Variants in DPY19L1 observed in about 807,000 individuals in gnomAD.
DPY19L1 encodes the protein protein C-mannosyl-transferase DPY19L1.
Under a neutral mutation model 96.9 loss-of-function variants are expected in DPY19L1, and 35 were observed. That is an observed-to-expected ratio of 0.36 (90% confidence interval 0.28 to 0.48). The LOEUF is 0.48. DPY19L1 is among the 20% of genes least tolerant of loss of function. DPY19L1 has a pLI of 0.99. For synonymous variants in DPY19L1, 205 were observed against 252.6 expected, an observed-to-expected ratio of 0.81 and a Z score of 1.79; for missense variants, 521 against 777.9, an observed-to-expected ratio of 0.67 and a Z score of 3.93.
chr7:35,029,158 AT>A (rs775596533), intron 1 of DPY19L1, among the ~76,000 whole-genome samples: 3 of 152,222 alleles, frequency 2.0e-5, no homozygotes, highest in Non-Finnish European at 4.4e-5. Flanking sequence ...CTCAGCCTCC[AT>A]TCGAAATGGA....
chr7:35,005,844 T>C (rs1412216550), intron 6 of DPY19L1, among the ~76,000 whole-genome samples: 3 of 150,756 alleles, frequency 2.0e-5, no homozygotes, highest in African/African-American at 7.3e-5. Flanking sequence ...AATTTTGTCA[T>C]GTGAGAGAGA....
At chr7:35,016,038 T>G (rs1785839717) in intron 3 of DPY19L1, among the ~76,000 whole-genome samples, 1 of 151,830 alleles carries the variant, frequency 6.6e-6, no homozygotes, top group African/African-American at 2.4e-5. Flanking sequence ...TTTAAAAAAT[T>G]AATATAAATT....
At chr7:35,006,288 C>T (rs1280694053) in intron 6 of DPY19L1, among the ~76,000 whole-genome samples, 3 of 152,140 alleles carry the variant, frequency 2.0e-5, no homozygotes, top group African/African-American at 4.8e-5. Context: ...CTAGCTAACC[C>T]CGAACTCCAA....
intron 8 of DPY19L1, among the ~76,000 whole-genome samples, 161 bp downstream of exon 8, chr7:34,973,353 T>TA (rs1784766377): frequency 6.6e-6 from 1 of 152,196 alleles, no homozygotes; most frequent in Admixed American, 6.5e-5. Flanking sequence ...ATAGAAGAAA[T>TA]GTTTTTGATA....
chr7:35,028,387 T>C (rs1304203980), intron 1 of DPY19L1, among the ~76,000 whole-genome samples: 1 of 152,236 alleles, frequency 6.6e-6, no homozygotes, highest in Non-Finnish European at 1.5e-5. Context: ...CAAAGCGGAA[T>C]ATAATTAGGC....
chr7:34,989,717 A>G (rs1785126608), intron 7 of DPY19L1, among the ~76,000 whole-genome samples, 167 bp downstream of exon 7: 1 of 152,196 alleles, frequency 6.6e-6, no homozygotes, highest in African/African-American at 2.4e-5. Context: ...CTTATATCAC[A>G]TAAGAAGTAC....
intron 10 of DPY19L1, among the ~76,000 whole-genome samples, chr7:34,959,165 A>G (rs1176556236): frequency 6.6e-6 from 1 of 152,260 alleles, no homozygotes; most frequent in Admixed American, 6.5e-5. Context: ...CCACAATGAG[A>G]TAACATCTCA....
chr7:34,974,436 G>A (rs1443651348), intron 7 of DPY19L1, among the ~76,000 whole-genome samples: 16 of 152,114 alleles, frequency 1.1e-4, no homozygotes, highest in South Asian at 2.1e-4. Flanking sequence ...CTATATTTTC[G>A]CTGTACCTCA....
In DPY19L1 at chr7:35,011,401, A is replaced by G; in HGVS notation, c.599T>C (p.Ile200Thr). 1 of 1,613,420 alleles carries G rather than the reference A, an allele frequency of 6.2e-7. No individual in the cohort carries two copies. ...CCAACATATCTTGGTTTGAATACCA[A>G]TCAAGTCCATTATTTTGGTATAAAT... ...YRIYTKIMDL[I>T]GIQTKICWTV... Residue 200 changes from isoleucine (I) to threonine (T), a missense_variant, in exon 5 of 22, where the codon ATT (isoleucine) becomes ACT (threonine). Ile to Thr is a moderately conservative substitution (Grantham distance 89). Coordinates refer to ENST00000638088, the MANE Select transcript of DPY19L1 (RefSeq NM_001366673.1).
At chr7:35,017,732 A>G (rs1584258403) in intron 3 of DPY19L1, 150 bp downstream of exon 3, 3 of 461,726 alleles carry the variant, frequency 6.5e-6, no homozygotes. Context: ...GGGGGTGTAG[A>G]TGAAGGAAAA....
intron 1 of DPY19L1, among the ~76,000 whole-genome samples, chr7:35,033,874 T>G (rs1300194543): frequency 6.6e-6 from 1 of 151,680 alleles, no homozygotes; most frequent in Non-Finnish European, 1.5e-5. Context: ...CTGGAGACAT[T>G]TTCGTTGTCA....
chr7:34,974,435 C>T (rs543189503), intron 7 of DPY19L1, among the ~76,000 whole-genome samples: 3 of 152,256 alleles, frequency 2.0e-5, no homozygotes, highest in South Asian at 2.1e-4. Context: ...CCTATATTTT[C>T]GCTGTACCTC....
intron 6 of DPY19L1, among the ~76,000 whole-genome samples, chr7:35,005,981 T>TA (rs1034580771): frequency 2.6e-5 from 4 of 152,116 alleles, no homozygotes; most frequent in Non-Finnish European, 4.4e-5. Flanking sequence ...GAATGAGCCT[T>TA]AAACAAAGGC....
rs563771995 is a variant in DPY19L1, at chr7:34,960,022, T to A, written c.1093-1952A>T. Among the ~76,000 whole-genome samples the A allele has an allele frequency of 2.0e-5, 3 of 149,598 alleles. No individual in the cohort carries two copies. In the South Asian group the frequency reaches 6.3e-4, roughly 31 times the overall value. On this transcript the variant is annotated intron_variant, in intron 10 of 21. Transcript: ENST00000638088. Reference sequence around the variant, plus strand: ...GTTCATTTTTGACCTCTGTAGTATTTTTTGTATTATGGTTATTTTCTAAAT... The same window carrying A: ...GTTCATTTTTGACCTCTGTAGTATTATTTGTATTATGGTTATTTTCTAAAT...
intron 10 of DPY19L1, among the ~76,000 whole-genome samples, chr7:34,959,901 ATATATATATATATATATATATATT>A (rs997975632): frequency 1.0e-3 from 17 of 16,366 alleles, no homozygotes; most frequent in African/African-American, 1.7e-3. Context: ...GTATATAAAT[ATATATATATATATATATATATATT>A]TATATATATA....
At chr7:34,967,669 C>A (rs1396089300) in intron 9 of DPY19L1, among the ~76,000 whole-genome samples, 1 of 152,166 alleles carries the variant, frequency 6.6e-6, no homozygotes, top group Non-Finnish European at 1.5e-5. Flanking sequence ...AATGCCTCTA[C>A]ACCCTTCCTC....
At position 34,952,968 on chromosome 7, in the gene DPY19L1, A is replaced by G. The variant is rs549320620; in HGVS notation, c.1320+1730T>C. Among the ~76,000 whole-genome samples, 5 of 152,222 alleles carry G rather than the reference A, an allele frequency of 3.3e-5. No individual in the cohort carries two copies. The South Asian group carries it at 8.3e-4, about 25-fold the overall frequency. ...TACCTAGGTTGCTCCCATCCACCTCAGCACCACCCCCATCTCCCCCATACT... is the reference window on the plus strand; with the variant it reads ...TACCTAGGTTGCTCCCATCCACCTCGGCACCACCCCCATCTCCCCCATACT... On this transcript the variant is annotated intron_variant, in intron 13 of 21. Transcript: ENST00000638088.
rs536296714 is a variant in DPY19L1 at position 35,004,107 on chromosome 7, G to A, written c.764+6361C>T. The stretch of plus-strand genomic sequence containing the variant: ...TTGATGGGGGTGAGACATCCTGATC[G>A]TCACATCTCACGTATACCATTACAG... On this transcript the variant is annotated intron_variant, in intron 6 of 21. Coordinates refer to ENST00000638088, the MANE Select transcript of DPY19L1 (RefSeq NM_001366673.1). Among the ~76,000 whole-genome samples, 7 of 152,192 alleles carry A rather than the reference G, an allele frequency of 4.6e-5. No homozygotes were observed. The East Asian group carries it at 1.4e-3, about 29-fold the overall frequency.
At chr7:35,037,797 C>G, upstream of DPY19L1, 1 of 1,214,834 alleles carries the variant, frequency 8.2e-7, no homozygotes, top group Non-Finnish European at 1.0e-6. Context: ...CCCGACCCCT[C>G]TGGCGCCCGG....
Sources: allele counts gnomAD v4.1 joint callset (sites outside exome capture counted in the v4.1 genomes callset), GRCh38; gene constraint gnomAD v4.1.1; transcripts MANE v1.5; gene names NCBI Gene and HGNC (gene_info 2026-07-23, HGNC 2026-07-21).